Variants in PYGL observed in about 807,000 individuals in gnomAD.
PYGL encodes glycogen phosphorylase L, also known as glycogen phosphorylase, liver form.
In PYGL, 90 loss-of-function variants were observed where a neutral mutation model predicts 100.1. The observed-to-expected ratio is 0.90, with a 90% CI of 0.76 to 1.07. The LOEUF (loss-of-function observed/expected upper bound fraction) is 1.07, where lower values mean the gene tolerates loss of function less well. Among genes scored for constraint, PYGL ranks in the 50% least tolerant of loss-of-function variants. The probability of loss-of-function intolerance (pLI) is 0.00; values close to 1 mark genes in which losing one functional copy is unlikely to be tolerated. For missense variants in PYGL, 1,016 were observed against 1,057.6 expected (o/e 0.96, Z 0.55); for synonymous variants, 373 against 393.0 (o/e 0.95, Z 0.60).
intron 10 of PYGL, 138 bp from the exon 11 acceptor site, chr14:50,915,637 C>T: frequency 7.2e-7 from 1 of 1,397,960 alleles, no homozygotes; most frequent in South Asian, 1.2e-5. Flanking sequence ...TGAGTTAGCT[C>T]TATGGAGGTG....
chr14:50,911,897 T>C (rs757748970), intron 15 of PYGL, 26 bp from the exon 16 acceptor site: 8 of 1,614,126 alleles, frequency 5.0e-6, no homozygotes, highest in Non-Finnish European at 6.8e-6. Flanking sequence ...TCAAACGCAT[T>C]GACAGAAGGC....
chr14:50,942,491 G>C (rs1434415692), intron 1 of PYGL, among the ~76,000 whole-genome samples: 3 of 140,252 alleles, frequency 2.1e-5, no homozygotes, highest in Admixed American at 8.2e-5. Flanking sequence ...GCGCAGTATG[G>C]TGTACTTAGT....
intron 5 of PYGL, chr14:50,923,109 C>G (rs2050515848): frequency 6.6e-6 from 1 of 152,244 alleles, no homozygotes; most frequent in Non-Finnish European, 1.5e-5. Flanking sequence ...CCTCTGCCCC[C>G]TAACCTTGCC....
intron 7 of PYGL, among the ~76,000 whole-genome samples, chr14:50,918,389 G>A (rs1390448693): frequency 3.3e-5 from 5 of 152,148 alleles, no homozygotes; most frequent in African/African-American, 4.8e-5. Flanking sequence ...ACACACACAC[G>A]TTTATAGCAG....
At chr14:50,939,788 CA>C (rs542390389) in intron 1 of PYGL, among the ~76,000 whole-genome samples, 9 of 151,774 alleles carry the variant, frequency 5.9e-5, no homozygotes, top group East Asian at 1.9e-4. Context: ...TTTGGCCAAT[CA>C]AAAAAAATTG....
chr14:50,916,570 G>T, intron 9 of PYGL, 72 bp downstream of exon 9: 2 of 1,340,760 alleles, frequency 1.5e-6, no homozygotes, highest in Non-Finnish European at 2.1e-6. Context: ...AACTAAAAAG[G>T]GAGTTTTTGG....
At position 50,905,381 on chromosome 14, in the gene PYGL, A is replaced by T; in HGVS notation, c.*11T>A. On this transcript the variant is annotated 3_prime_UTR_variant, in exon 20 of 20. Coordinates refer to ENST00000216392, the MANE Select transcript of PYGL (RefSeq NM_002863.5). Reference sequence around the variant, plus strand: ...GTAAGAAGCTATGTTTTCTAGAGACAATTCTAGAGTTCAATTTCCATTGAC... The same window carrying T: ...GTAAGAAGCTATGTTTTCTAGAGACTATTCTAGAGTTCAATTTCCATTGAC... The T allele has an allele frequency of 1.3e-6, 1 of 777,380 alleles. No homozygotes were observed. 48.2% of individuals were successfully genotyped at this position (777,380 alleles called of 1,614,324 possible).
In PYGL at chr14:50,905,475, A is replaced by G. The variant is rs113993988; in HGVS notation, c.2461T>C (p.Tyr821His). The G allele has an allele frequency of 1.0e-4, 166 of 1,613,764 alleles. 1 individual carries two copies. Among genetic ancestry groups the G allele is most frequent in the Non-Finnish European group, 1.4e-4 (163 of 1,179,786 alleles). Residue 821 changes from tyrosine (Y) to histidine (H), a missense_variant, in exon 20 of 20, where the codon TAT becomes CAT. By Grantham distance (83) the Tyr-to-His change is moderately conservative. Transcript: ENST00000216392. Reference protein sequence around the residue: ...KFSSDRTIKEYAQNIWNVEPS... With the variant: ...KFSSDRTIKEHAQNIWNVEPS... ...TCCACGTTCCAGATGTTTTGGGCAT[A>G]TTCTTTAATTGTTCGGTCACTGGAG...
At chr14:50,940,627 A>T (rs1231709506) in intron 1 of PYGL, among the ~76,000 whole-genome samples, 1 of 152,234 alleles carries the variant, frequency 6.6e-6, no homozygotes, top group African/African-American at 2.4e-5. Context: ...GATCTTGGCC[A>T]TACTCTTACT....
intron 4 of PYGL, among the ~76,000 whole-genome samples, chr14:50,928,169 G>A (rs1335570118): frequency 1.3e-5 from 2 of 152,200 alleles, no homozygotes; most frequent in African/African-American, 4.8e-5. Context: ...CCAGCCAGCA[G>A]GGATGGAGAG....
intron 4 of PYGL, among the ~76,000 whole-genome samples, chr14:50,927,547 A>G (rs560707804): frequency 6.6e-6 from 1 of 152,128 alleles, no homozygotes; most frequent in South Asian, 2.1e-4. Flanking sequence ...TTGAGGGTAC[A>G]CTCTTACATG....
At chr14:50,938,897 G>A (rs968232640) in intron 1 of PYGL, among the ~76,000 whole-genome samples, 1 of 152,050 alleles carries the variant, frequency 6.6e-6, no homozygotes, top group African/African-American at 2.4e-5. Context: ...GGTGGGTGCC[G>A]GTAAGCTGAG....
intron 5 of PYGL, chr14:50,921,438 G>A (rs1440173987): frequency 9.7e-6 from 2 of 205,870 alleles, no homozygotes; most frequent in Admixed American, 1.1e-4. Context: ...CTGTTGCCCA[G>A]GCTGGAGTGC....
chr14:50,925,098 C>T lies in PYGL; in HGVS notation c.529-998G>A, dbSNP rs527853658. On this transcript the variant is annotated intron_variant, in intron 4 of 19. Coordinates refer to ENST00000216392, the MANE Select transcript of PYGL (RefSeq NM_002863.5). ...CTTACACAAACCCAGATGGTGCTGCCTACTACACACCTGAGCTATATGGTA... is the reference window on the plus strand; with the variant it reads ...CTTACACAAACCCAGATGGTGCTGCTTACTACACACCTGAGCTATATGGTA... 3.3e-5 allele frequency among the ~76,000 whole-genome samples: 5 copies of T among 152,308 alleles called. No individual in the cohort carries two copies. In the South Asian group the frequency reaches 1.0e-3, roughly 32 times the overall value.
At chr14:50,941,764 G>A (rs1418212336) in intron 1 of PYGL, among the ~76,000 whole-genome samples, 3 of 152,152 alleles carry the variant, frequency 2.0e-5, no homozygotes, top group Admixed American at 6.5e-5. Flanking sequence ...TGTAATCCCA[G>A]CTACTCAGGA....
chr14:50,936,176 C>G (rs1484055517), intron 2 of PYGL, among the ~76,000 whole-genome samples: 1 of 152,168 alleles, frequency 6.6e-6, no homozygotes, highest in Non-Finnish European at 1.5e-5. Context: ...TAAAGGTGGC[C>G]TACTGTGAAA....
At chr14:50,942,232 A>G (rs1447175257) in intron 1 of PYGL, among the ~76,000 whole-genome samples, 1 of 142,002 alleles carries the variant, frequency 7.0e-6, no homozygotes, top group African/African-American at 2.5e-5. Flanking sequence ...TATCGCTATC[A>G]GAATTTACAC....
At position 50,944,297 on chromosome 14, in the gene PYGL, A is replaced by G; in HGVS notation, c.107T>C (p.Leu36Pro). 1 of 1,614,006 alleles carries G rather than the reference A, an allele frequency of 6.2e-7. No individual in the cohort carries two copies. Among genetic ancestry groups the G allele is most frequent in the Non-Finnish European group, 8.5e-7 (1 of 1,179,896 alleles). ...AELKKSFNRH[L>P]HFTLVKDRNV... ...GCGGTCCTTGACCAGCGTGAAGTGC[A>G]GGTGCCGGTTGAAACTCTTCTTCAG... The change falls in exon 1 of 20, where the codon CTG (leucine) becomes CCG (proline). Residue 36 changes from leucine (L) to proline (P), a missense_variant. Coordinates refer to ENST00000216392, the MANE Select transcript of PYGL (RefSeq NM_002863.5).
At chr14:50,911,697 T>A in intron 16 of PYGL, 33 bp downstream of exon 16, 2 of 1,613,098 alleles carry the variant, frequency 1.2e-6, no homozygotes, top group Non-Finnish European at 1.7e-6. Flanking sequence ...GAGTTTGCCC[T>A]GGCCCCTGCA....
Sources: allele counts gnomAD v4.1 joint callset (sites outside exome capture counted in the v4.1 genomes callset), GRCh38; gene constraint gnomAD v4.1.1; transcripts MANE v1.5; gene names NCBI Gene and HGNC (gene_info 2026-07-23, HGNC 2026-07-21).